The following TOP6BL variants were observed in gnomAD, a reference collection of about 807,000 sequenced individuals.
The protein encoded by TOP6BL is TOP6B like initiator of meiotic double strand breaks, also known as type 2 DNA topoisomerase 6 subunit B-like.
At chr11:66,771,967 C>T in the TOP6BL span, among the ~76,000 whole-genome samples, 1 of 152,164 alleles carries the variant, frequency 6.6e-6, no homozygotes. Context: ...AAGACTATAG[C>T]TGCCATAGAT....
At chr11:66,752,316 C>A in the TOP6BL span, among the ~76,000 whole-genome samples, 1 of 152,144 alleles carries the variant, frequency 6.6e-6, no homozygotes, top group African/African-American at 2.4e-5. Context: ...AGCCAGAATT[C>A]ATTTTTCCTT....
chr11:66,761,611 A>C, the TOP6BL span: 9 of 1,191,494 alleles, frequency 7.6e-6, no homozygotes, highest in Non-Finnish European at 1.0e-5. Context: ...GGTCTTCAAG[A>C]AAAGTAATGT....
chr11:66,784,439 G>A, the TOP6BL span, among the ~76,000 whole-genome samples: 2 of 152,164 alleles, frequency 1.3e-5, no homozygotes, highest in African/African-American at 4.8e-5. Flanking sequence ...TGGGACTATA[G>A]GCATGAGCCA....
At chr11:66,788,711 A>C in the TOP6BL span, among the ~76,000 whole-genome samples, 4 of 152,178 alleles carry the variant, frequency 2.6e-5, no homozygotes, top group Non-Finnish European at 5.9e-5. Context: ...GATGAAAAGA[A>C]AGAGATCTCT....
At chr11:66,763,728 T>C in the TOP6BL span, among the ~76,000 whole-genome samples, 6 of 152,218 alleles carry the variant, frequency 3.9e-5, no homozygotes, top group Admixed American at 3.3e-4. Flanking sequence ...CCTCAGCCTC[T>C]TGAGTAGCTA....
At chr11:66,843,236 C>G in the TOP6BL span, 1 of 1,608,664 alleles carries the variant, frequency 6.2e-7, no homozygotes, top group Non-Finnish European at 8.5e-7. Flanking sequence ...GGGCCCTGAG[C>G]CGGGTCCCCT....
At chr11:66,812,653 A>G in the TOP6BL span, among the ~76,000 whole-genome samples, 1 of 152,188 alleles carries the variant, frequency 6.6e-6, no homozygotes. Context: ...TGTTTACCCC[A>G]TAAGAAAGAG....
chr11:66,746,828 A>G, the TOP6BL span, among the ~76,000 whole-genome samples: 2 of 151,976 alleles, frequency 1.3e-5, no homozygotes, highest in East Asian at 3.9e-4. Context: ...GTGAACCATG[A>G]TGATGCCATC....
chr11:66,764,529 G>A, the TOP6BL span, among the ~76,000 whole-genome samples: 2 of 151,488 alleles, frequency 1.3e-5, no homozygotes, highest in African/African-American at 4.9e-5. Context: ...GCTGGGGGTG[G>A]TAGTGGGCAC....
chr11:66,758,115 C>T, the TOP6BL span: 7 of 983,718 alleles, frequency 7.1e-6, no homozygotes, highest in South Asian at 2.8e-4. Context: ...TCATGTTTCT[C>T]TGGGGAAGGG....
chr11:66,812,117 CA>C, the TOP6BL span, among the ~76,000 whole-genome samples: 1 of 151,956 alleles, frequency 6.6e-6, no homozygotes, highest in Non-Finnish European at 1.5e-5. Context: ...ATGATTTAAA[CA>C]ACCCAATTAT....
At chr11:66,814,869 C>T in the TOP6BL span, among the ~76,000 whole-genome samples, 1 of 152,200 alleles carries the variant, frequency 6.6e-6, no homozygotes, top group Non-Finnish European at 1.5e-5. Flanking sequence ...CTAACCACAC[C>T]AGCTTTGGGT....
the TOP6BL span, among the ~76,000 whole-genome samples, chr11:66,759,473 G>A: frequency 6.6e-6 from 1 of 152,206 alleles, no homozygotes; most frequent in South Asian, 2.1e-4. Context: ...AAGAAATAAT[G>A]TGTGGAGAAT....
chr11:66,770,501 G>T, the TOP6BL span, among the ~76,000 whole-genome samples: 1 of 151,970 alleles, frequency 6.6e-6, no homozygotes, highest in Admixed American at 6.6e-5. Context: ...GTCAGGAGTT[G>T]GAGACAAGCC....
the TOP6BL span, among the ~76,000 whole-genome samples, chr11:66,766,759 A>T: frequency 6.6e-6 from 1 of 152,196 alleles, no homozygotes; most frequent in Non-Finnish European, 1.5e-5. Context: ...CCCCCTCTTG[A>T]TCACTGACAT....
the TOP6BL span, among the ~76,000 whole-genome samples, chr11:66,767,001 A>G: frequency 6.6e-6 from 1 of 152,070 alleles, no homozygotes; most frequent in African/African-American, 2.4e-5. Flanking sequence ...CTCATTATGT[A>G]ATTGATTTTT....
the TOP6BL span, among the ~76,000 whole-genome samples, chr11:66,825,905 G>T: frequency 6.6e-6 from 1 of 151,160 alleles, no homozygotes. Context: ...GCAGTGGCGC[G>T]ATCTCAGCTC....
chr11:66,810,697 G>A, the TOP6BL span, among the ~76,000 whole-genome samples: 1 of 152,220 alleles, frequency 6.6e-6, no homozygotes, highest in Non-Finnish European at 1.5e-5. Flanking sequence ...GTAGCTACCT[G>A]TAGAGGTATT....
the TOP6BL span, chr11:66,804,278 C>A: frequency 9.9e-7 from 1 of 1,014,568 alleles, no homozygotes; most frequent in Non-Finnish European, 1.4e-6. Context: ...TATGTGAATT[C>A]TGCATCTACA....
Sources: gnomAD v4.1 joint callset for allele counts (sites outside exome capture counted in the v4.1 genomes callset) on GRCh38, gnomAD v4.1.1 for gene constraint, MANE v1.5 for transcripts, NCBI Gene and HGNC (gene_info 2026-07-23, HGNC 2026-07-21) for gene names.